The following CAPN14 variants were observed in gnomAD, a reference collection of about 807,000 sequenced individuals.
CAPN14 encodes the protein calpain-14.
CAPN14 carries 94 observed loss-of-function variants against 101.3 expected under a neutral mutation model. That is an observed-to-expected ratio of 0.93 (90% CI 0.79 to 1.10). CAPN14 has a LOEUF of 1.10. Ranked by LOEUF, CAPN14 falls within the 50% of genes least tolerant of loss-of-function variation. The probability of loss-of-function intolerance (pLI) is 0.00; values close to 1 mark genes in which losing one functional copy is unlikely to be tolerated. For synonymous variants in CAPN14, 338 were observed against 317.9 expected, an observed-to-expected ratio of 1.06 and a Z score of -0.67; for missense variants, 837 against 828.4, an observed-to-expected ratio of 1.01 and a Z score of -0.13.
intron 8 of CAPN14, among the ~76,000 whole-genome samples, chr2:31,195,660 A>C (rs1263155738): frequency 2.6e-5 from 4 of 152,148 alleles, no homozygotes; most frequent in African/African-American, 9.7e-5. Flanking sequence ...GAATACATGG[A>C]ATCTTTACTA....
upstream of CAPN14, among the ~76,000 whole-genome samples, chr2:31,218,075 T>A (rs947241908): frequency 6.6e-6 from 1 of 152,062 alleles, no homozygotes; most frequent in African/African-American, 2.4e-5. Context: ...ACTTTCCAAA[T>A]CCCCCATTTT....
At chr2:31,181,390 CTT>C (rs1680591952) in intron 16 of CAPN14, among the ~76,000 whole-genome samples, 1 of 136,058 alleles carries the variant, frequency 7.3e-6, no homozygotes, top group African/African-American at 2.9e-5. Context: ...TTCTTTTTTT[CTT>C]TCTTTTTTTC....
intron 15 of CAPN14, among the ~76,000 whole-genome samples, chr2:31,187,239 G>A (rs926399671): frequency 1.3e-5 from 2 of 152,124 alleles, no homozygotes; most frequent in Non-Finnish European, 2.9e-5. Context: ...ATTAGCCCTT[G>A]CCAGACTCAC....
Position 31,201,956 on chromosome 2 carries a change from G to T in CAPN14, c.457C>A (p.Arg153Ser), listed in dbSNP as rs548582330. 1.3e-6 allele frequency: 2 copies of T among 1,551,728 alleles called. No individual in the cohort carries two copies. Among genetic ancestry groups the T allele is most frequent in the East Asian group, 4.9e-5 (2 of 40,906 alleles). Residue 153 changes from arginine to serine, a missense_variant, in exon 5 of 22, where the codon CGT becomes AGT. Transcript: ENST00000403897. ...GNWVPVVIDDRLPVNEAGQLV... is the reference protein window; with the variant it reads ...GNWVPVVIDDSLPVNEAGQLV... ...TGGCCAGCCTCATTCACAGGCAGACGGTCATCGATCACCACAGGAACCCAG... is the reference window on the plus strand; with the variant it reads ...TGGCCAGCCTCATTCACAGGCAGACTGTCATCGATCACCACAGGAACCCAG...
At chr2:31,198,241 C>A (rs921193068) in intron 7 of CAPN14, among the ~76,000 whole-genome samples, 14 of 152,190 alleles carry the variant, frequency 9.2e-5, no homozygotes, top group Non-Finnish European at 5.9e-5. Flanking sequence ...CTACCTGTGA[C>A]CTGGAAGCCC....
At position 31,189,286 on chromosome 2, in the gene CAPN14, T is replaced by A; in HGVS notation, c.1480A>T (p.Lys494Ter). 6.4e-7 allele frequency: 1 copy of A among 1,551,196 alleles called. No individual in the cohort carries two copies. The highest frequency in any genetic ancestry group is 8.7e-7 in the Non-Finnish European group (1 of 1,146,982). ...TTGTGTCCTTACTAAAAGATGTGCT[T>A]CCTGGAGAAGACCCTGAGGACGAAC... ...SEFVLRVFSR[K>*]HIFYEIGSNS... The change falls in exon 13 of 22, where the codon AAG becomes TAG. Residue 494 changes from lysine to a stop codon, truncating the protein, a stop_gained. Transcript: ENST00000403897. LOFTEE classifies it high-confidence loss of function.
intron 17 of CAPN14, among the ~76,000 whole-genome samples, chr2:31,179,012 T>C (rs1233993238): frequency 1.3e-5 from 2 of 149,918 alleles, no homozygotes; most frequent in African/African-American, 4.9e-5. Context: ...CCATTGCCTC[T>C]TCCTTTCACG....
At chr2:31,220,361 A>T (rs1682824862), upstream of CAPN14, among the ~76,000 whole-genome samples, 2 of 152,174 alleles carry the variant, frequency 1.3e-5, no homozygotes, top group Non-Finnish European at 2.9e-5. Flanking sequence ...AATAAGAAAA[A>T]CTACTGAAAT....
chr2:31,198,980 T>C lies in CAPN14; in HGVS notation c.789+490A>G, dbSNP rs148099986. On this transcript the variant is annotated intron_variant, in intron 7 of 21. Transcript: ENST00000403897. ...TACACTCTCTTCTCTCAGTTTCAAC[T>C]TTGCTTCCTCCTCATTTTCAGATAT... Among the ~76,000 whole-genome samples, 419 of 152,332 alleles carry C rather than the reference T, an allele frequency of 2.8e-3. 2 individuals are homozygous for C. The highest frequency in any genetic ancestry group is 9.3e-3 in the African/African-American group (387 of 41,572).
chr2:31,180,874 C>G, intron 17 of CAPN14, 62 bp downstream of exon 17: 1 of 1,389,198 alleles, frequency 7.2e-7, no homozygotes, highest in Non-Finnish European at 1.0e-6. Context: ...TATACTCTGC[C>G]TAGCTCCAGA....
At chr2:31,228,151 G>A (rs1216965093) in intron 1 of CAPN14, among the ~76,000 whole-genome samples, 1 of 152,188 alleles carries the variant, frequency 6.6e-6, no homozygotes, top group Non-Finnish European at 1.5e-5. Flanking sequence ...AGGTTGAAAG[G>A]GGCCATAGAT....
At chr2:31,227,478 C>T (rs879186986) in intron 1 of CAPN14, among the ~76,000 whole-genome samples, 1 of 152,156 alleles carries the variant, frequency 6.6e-6, no homozygotes, top group Admixed American at 6.5e-5. Flanking sequence ...TCTAGACTTC[C>T]CTTTCCTTGT....
chr2:31,233,514 T>C (rs1440296992), intron 1 of CAPN14, among the ~76,000 whole-genome samples: 1 of 152,132 alleles, frequency 6.6e-6, no homozygotes, highest in Non-Finnish European at 1.5e-5. Context: ...TTCACTGGAG[T>C]TCCTGGAAGG....
Position 31,206,026 on chromosome 2 carries a change from T to A in CAPN14, c.-52-527A>T, listed in dbSNP as rs551435585. ...CCTCCTCCTACATTATCTTTATTTT[T>A]TTTATTTATTTATTTTTTTTTTTTG... is the stretch of plus-strand genomic sequence containing the variant. On this transcript the variant is annotated intron_variant, in intron 1 of 21. Transcript: ENST00000403897. 1.7e-3 allele frequency among the ~76,000 whole-genome samples: 224 copies of A among 131,958 alleles called. 3 individuals carry two copies. Among genetic ancestry groups the A allele is most frequent in the Middle Eastern group, 7.5e-3 (2 of 266 alleles). The allele number at this position is 131,958 out of a possible 152,430, so 86.6% of individuals were successfully genotyped here.
intron 2 of CAPN14, among the ~76,000 whole-genome samples, chr2:31,225,171 G>T (rs1360831140): frequency 6.6e-6 from 1 of 151,864 alleles, no homozygotes; most frequent in Admixed American, 6.6e-5. Context: ...TAGACAATCA[G>T]AAAAATATAA....
chr2:31,202,590 G>C (rs1681851480), intron 3 of CAPN14, among the ~76,000 whole-genome samples: 1 of 152,008 alleles, frequency 6.6e-6, no homozygotes, highest in Admixed American at 6.6e-5. Context: ...TGTTCTTCTG[G>C]GAAAGCCTCA....
upstream of CAPN14, among the ~76,000 whole-genome samples, chr2:31,219,421 G>C (rs1475994889): frequency 2.0e-5 from 3 of 152,222 alleles, no homozygotes; most frequent in Non-Finnish European, 4.4e-5. Context: ...AAGTGCATCT[G>C]GTGATGAGCC....
chr2:31,177,873 T>C, intron 18 of CAPN14, 52 bp from the exon 19 acceptor site: 2 of 1,360,258 alleles, frequency 1.5e-6, no homozygotes, highest in Non-Finnish European at 2.1e-6. Context: ...CCAAGCACCA[T>C]CTGAGAGCCC....
intron 1 of CAPN14, among the ~76,000 whole-genome samples, chr2:31,213,006 T>C (rs1012723728): frequency 1.3e-5 from 2 of 152,204 alleles, no homozygotes; most frequent in African/African-American, 4.8e-5. Flanking sequence ...GATTGAAAAA[T>C]GATCAATTCC....
Sources: gnomAD v4.1 joint callset for allele counts (sites outside exome capture counted in the v4.1 genomes callset) on GRCh38, gnomAD v4.1.1 for gene constraint, MANE v1.5 for transcripts, NCBI Gene and HGNC (gene_info 2026-07-23, HGNC 2026-07-21) for gene names.